The following ABCC12 variants were observed in gnomAD, a reference collection of about 807,000 sequenced individuals.
The protein encoded by ABCC12 is ATP-binding cassette sub-family C member 12.
In ABCC12, 142 loss-of-function variants were observed where a neutral mutation model predicts 151.1. The ratio of observed to expected loss-of-function variants is 0.94; its 90% CI spans 0.82 to 1.08. ABCC12 has a LOEUF of 1.08. Among genes scored for constraint, ABCC12 ranks in the 50% least tolerant of loss-of-function variants. The pLI is 0.00. For missense variants in ABCC12, 1,638 were observed against 1,691.1 expected, an observed-to-expected ratio of 0.97 and a Z score of 0.55; for synonymous variants, 645 against 646.4, an observed-to-expected ratio of 1.00 and a Z score of 0.03.
At position 48,100,991 on chromosome 16, in the gene ABCC12, G is replaced by C; in HGVS notation, c.2919C>G (p.Val973=). 6.2e-7 allele frequency: 1 copy of C among 1,614,168 alleles called. No individual in the cohort carries two copies. ...CATTCTCCACCTTCTTGAGCTCCTGGACTCCTCTGTGGAAAATGCTGGAAG... is the reference window on the plus strand; with the variant it reads ...CATTCTCCACCTTCTTGAGCTCCTGCACTCCTCTGTGGAAAATGCTGGAAG... ...FILLRIFHRG[V]QELKKVENVS... Residue 973 remains valine, a synonymous_variant, in exon 23 of 31, where the codon GTC becomes GTG. Coordinates refer to ENST00000311303, the MANE Select transcript of ABCC12 (RefSeq NM_001393797.1).
Position 48,121,715 on chromosome 16 carries a change from C to T in ABCC12, c.1712+1G>A. 6.2e-7 allele frequency: 1 copy of T among 1,614,068 alleles called. No individual in the cohort carries two copies. The highest frequency in any genetic ancestry group is 1.7e-5 in the Admixed American group (1 of 60,026). On this transcript the variant is annotated splice_donor_variant, in intron 13 of 30. Coordinates refer to ENST00000311303, the MANE Select transcript of ABCC12 (RefSeq NM_001393797.1). LOFTEE classifies it high-confidence loss of function. ...CCTCCTGCTTTAAAAGTTAATATTA[C>T]CTTTGGTGATCATACTTTTCTCCAA...
chr16:48,124,725 A>G (rs1439034457), intron 11 of ABCC12, among the ~76,000 whole-genome samples: 1 of 152,208 alleles, frequency 6.6e-6, no homozygotes, highest in Admixed American at 6.5e-5. Flanking sequence ...AAAAATCTGG[A>G]ATTACTGAGA....
In ABCC12 at chr16:48,100,923, T is replaced by C; in HGVS notation, c.2987A>G (p.Gln996Arg). Residue 996 changes from glutamine to arginine, a missense_variant, in exon 23 of 31, where the codon CAG becomes CGG. Gln to Arg is a conservative substitution (Grantham distance 43). Transcript: ENST00000311303. ...PWFTHITSSM[Q>R]GLGIIHAYGK... ...ATAGGCGTGAATGATGCCCAGGCCC[T>C]GCATGGAGGAGGTGATGTGGGTGAA... The C allele has an allele frequency of 6.2e-7, 1 of 1,614,190 alleles. No homozygotes were observed. Among genetic ancestry groups the C allele is most frequent in the Non-Finnish European group, 8.5e-7 (1 of 1,180,024 alleles).
intron 8 of ABCC12, 118 bp downstream of exon 8, chr16:48,138,110 G>T: frequency 8.7e-7 from 1 of 1,155,110 alleles, no homozygotes; most frequent in Non-Finnish European, 1.2e-6. Context: ...CTGCAGAGCA[G>T]CTCAGAGGGT....
intron 23 of ABCC12, among the ~76,000 whole-genome samples, chr16:48,098,090 G>GACACAC (rs66949388): frequency 0.011 from 1,299 of 121,954 alleles, 13 homozygotes; most frequent in South Asian, 0.034. Context: ...TGCCCCACCT[G>GACACAC]ACACACACAC....
intron 2 of ABCC12, among the ~76,000 whole-genome samples, chr16:48,148,609 C>T (rs896078846): frequency 1.3e-5 from 2 of 152,096 alleles, no homozygotes; most frequent in African/African-American, 4.8e-5. Flanking sequence ...AGAGTATTAG[C>T]AGCTACCAGA....
intron 15 of ABCC12, among the ~76,000 whole-genome samples, chr16:48,113,587 G>A (rs1038496574): frequency 1.3e-5 from 2 of 152,190 alleles, no homozygotes; most frequent in African/African-American, 4.8e-5. Flanking sequence ...GAGCAGAGGG[G>A]ATAGGCTCTG....
intron 13 of ABCC12, chr16:48,121,490 G>A (rs898686668): frequency 1.8e-5 from 9 of 488,520 alleles, no homozygotes; most frequent in East Asian, 7.9e-5. Context: ...ATGAAGTGCC[G>A]ATTCTATCCT....
At chr16:48,142,029 G>A (rs1345053177) in intron 4 of ABCC12, among the ~76,000 whole-genome samples, 3 of 152,194 alleles carry the variant, frequency 2.0e-5, no homozygotes, top group Non-Finnish European at 4.4e-5. Flanking sequence ...AAGAAAAGTG[G>A]ACAGAGAGCG....
intron 2 of ABCC12, among the ~76,000 whole-genome samples, chr16:48,147,995 G>A (rs1323138582): frequency 6.6e-6 from 1 of 152,142 alleles, no homozygotes; most frequent in Admixed American, 6.5e-5. Flanking sequence ...TCGCCCAGGT[G>A]GGAATGCAGT....
rs751900484 is a variant in ABCC12 at position 48,115,520 on chromosome 16, G to A, written c.1884C>T (p.Asp628=). 5 of 1,614,096 alleles carry A rather than the reference G, an allele frequency of 3.1e-6. No individual in the cohort carries two copies. The highest frequency in any genetic ancestry group is 1.7e-5 in the Admixed American group (1 of 60,002). ...YSDRQLYLLD[D]PLSAVDAHVG... Reference sequence around the variant, plus strand: ...CGTGGGCGTCCACGGCCGACAGGGGGTCGTCCAGCAGGTAGAGCTGACGGT... The same window carrying A: ...CGTGGGCGTCCACGGCCGACAGGGGATCGTCCAGCAGGTAGAGCTGACGGT... Residue 628 remains aspartate (D), a synonymous_variant, in exon 15 of 31, where the codon GAC becomes GAT. Coordinates refer to ENST00000311303, the MANE Select transcript of ABCC12 (RefSeq NM_001393797.1).
intron 24 of ABCC12, among the ~76,000 whole-genome samples, chr16:48,092,710 C>T (rs1262816849): frequency 1.3e-5 from 2 of 152,136 alleles, no homozygotes; most frequent in Admixed American, 1.3e-4. Context: ...AGGGATGGTG[C>T]ACAAGGCCAC....
chr16:48,084,438 A>G (rs1397355126), intron 29 of ABCC12, among the ~76,000 whole-genome samples: 2 of 140,536 alleles, frequency 1.4e-5, no homozygotes, highest in Admixed American at 1.3e-4. Context: ...CATTCCCTAT[A>G]TTGCTGCCAT....
chr16:48,111,716 G>T (rs1288632326), intron 16 of ABCC12, 54 bp from the exon 17 acceptor site: 2 of 1,613,854 alleles, frequency 1.2e-6, no homozygotes, highest in African/African-American at 2.7e-5. Flanking sequence ...CCTCTCCCAG[G>T]CACGAAATCC....
At chr16:48,084,178 C>A in intron 29 of ABCC12, 105 bp from the exon 30 acceptor site, 2 of 1,212,708 alleles carry the variant, frequency 1.6e-6, no homozygotes, top group Non-Finnish European at 2.3e-6. Flanking sequence ...AATAAGACCA[C>A]AAGATGAAAA....
At chr16:48,108,396 T>A in intron 19 of ABCC12, 44 bp downstream of exon 19, 2 of 1,562,156 alleles carry the variant, frequency 1.3e-6, no homozygotes, top group South Asian at 2.3e-5. Flanking sequence ...ACAGGATTTT[T>A]AAAATGCAAA....
chr16:48,124,124 C>A, intron 12 of ABCC12, 89 bp downstream of exon 12: 2 of 1,373,622 alleles, frequency 1.5e-6, no homozygotes, highest in Non-Finnish European at 2.1e-6. Context: ...GCAGCCGAGG[C>A]CATCTGCTGG....
chr16:48,133,604 T>C, intron 9 of ABCC12, 83 bp downstream of exon 9: 1 of 1,515,432 alleles, frequency 6.6e-7, no homozygotes, highest in Non-Finnish European at 9.0e-7. Flanking sequence ...ATGCCAGTAT[T>C]GAGCGACGGT....
intron 24 of ABCC12, among the ~76,000 whole-genome samples, chr16:48,093,609 T>A (rs1962989603): frequency 6.6e-6 from 1 of 152,130 alleles, no homozygotes; most frequent in South Asian, 2.1e-4. Flanking sequence ...AGGGCAGGAC[T>A]TGTCCAGACT....
Sources: allele counts gnomAD v4.1 joint callset (sites outside exome capture counted in the v4.1 genomes callset), GRCh38; gene constraint gnomAD v4.1.1; transcripts MANE v1.5; gene names NCBI Gene and HGNC (gene_info 2026-07-23, HGNC 2026-07-21).